Variants in MTMR14 observed in about 807,000 individuals in gnomAD.
MTMR14 encodes the protein phosphatidylinositol-3,5-bisphosphate 3-phosphatase MTMR14.
Under a neutral mutation model 86.3 loss-of-function variants are expected in MTMR14, and 48 were observed. The observed-to-expected ratio is 0.56, with a 90% confidence interval of 0.44 to 0.71. The LOEUF (loss-of-function observed/expected upper bound fraction) is 0.71. Among genes scored for constraint, MTMR14 ranks in the 30% least tolerant of loss-of-function variants. The pLI is 0.00. For synonymous variants in MTMR14, 366 were observed against 326.1 expected, an observed-to-expected ratio of 1.12 and a Z score of -1.32; for missense variants, 780 against 834.6, an observed-to-expected ratio of 0.93 and a Z score of 0.81.
chr3:9,659,504 C>T (rs555055878), intron 2 of MTMR14: 9 of 320,694 alleles, frequency 2.8e-5, no homozygotes, highest in South Asian at 1.2e-4. Context: ...AGTGCAGTGG[C>T]GTGATCTCTG....
Position 9,689,210 on chromosome 3 carries a change from G to A in MTMR14, c.1433+128G>A, listed in dbSNP as rs2076062096. The A allele has an allele frequency of 4.3e-6, 6 of 1,392,012 alleles. No homozygotes were observed. In the South Asian group the frequency reaches 4.9e-5, roughly 11 times the overall value. 86.2% of individuals were successfully genotyped at this position (1,392,012 alleles called of 1,614,324 possible). The stretch of plus-strand genomic sequence containing the variant: ...AGAAGAGCTGAGAGGATAGCTCCGT[G>A]CTCCTGCTGTCTCTACTGGGCCTCA... On this transcript the variant is annotated intron_variant, in intron 16 of 18. Transcript: ENST00000296003.
intron 9 of MTMR14, 44 bp downstream of exon 9, chr3:9,678,102 G>A: frequency 1.2e-6 from 2 of 1,602,926 alleles, no homozygotes; most frequent in Non-Finnish European, 1.7e-6. Flanking sequence ...TAAGGGAGTG[G>A]TGACCAAGGA....
At position 9,701,819 on chromosome 3, in the gene MTMR14, G is replaced by A. The variant is rs370811714; in HGVS notation, c.1799G>A (p.Arg600Gln). 177 of 1,613,718 alleles carry A rather than the reference G, an allele frequency of 1.1e-4. 2 individuals are homozygous for A. In the Middle Eastern group the frequency reaches 3.1e-3, roughly 29 times the overall value. The change falls in exon 19 of 19, where the codon CGG (arginine) becomes CAG (glutamine). Residue 600 changes from arginine to glutamine, a missense_variant. Arg to Gln is a conservative substitution (Grantham distance 43). Coordinates refer to ENST00000296003, the MANE Select transcript of MTMR14 (RefSeq NM_001077525.3). The surrounding 1 kb of genome is among the most constrained non-coding windows in gnomAD (Gnocchi z 4.2). ...GCAGCCCTGAGTGATCGAGAGACTC[G>A]GCTGCAGGAGGTGCGCTCAGCCTTC... is the stretch of plus-strand genomic sequence containing the variant. Reference protein sequence around the residue: ...LLAALSDRETRLQEVRSAFLA... With the variant: ...LLAALSDRETQLQEVRSAFLA...
chr3:9,685,028 G>C, intron 12 of MTMR14, 64 bp downstream of exon 12: 1 of 1,551,694 alleles, frequency 6.4e-7, no homozygotes, highest in African/African-American at 1.4e-5. Context: ...GAGTTGTGTG[G>C]TGGCTCCCTT....
intron 11 of MTMR14, 62 bp downstream of exon 11, chr3:9,684,732 C>G: frequency 6.3e-7 from 1 of 1,594,330 alleles, no homozygotes; most frequent in Non-Finnish European, 8.6e-7. Context: ...TGTCTCCAGA[C>G]AGAGGGTGGA....
intron 9 of MTMR14, among the ~76,000 whole-genome samples, chr3:9,681,070 T>A (rs2075753077): frequency 6.6e-6 from 1 of 152,230 alleles, no homozygotes; most frequent in South Asian, 2.1e-4. Flanking sequence ...TGGTTAACTT[T>A]GTCTTCCCTC....
At chr3:9,656,347 T>C (rs922813357) in intron 2 of MTMR14, among the ~76,000 whole-genome samples, 1 of 152,180 alleles carries the variant, frequency 6.6e-6, no homozygotes, top group South Asian at 2.1e-4. Context: ...GCCTAAAGAA[T>C]TGGGGTTTGT....
Position 9,668,749 on chromosome 3 carries a change from T to C in MTMR14, c.448T>C (p.Trp150Arg). The C allele has an allele frequency of 3.1e-6, 5 of 1,614,180 alleles. No homozygotes were observed. Among genetic ancestry groups the C allele is most frequent in the Non-Finnish European group, 1.7e-6 (2 of 1,180,026 alleles). Residue 150 changes from tryptophan to arginine, a missense_variant, in exon 4 of 19, where the codon TGG becomes CGG. Trp to Arg is a moderately radical substitution (Grantham distance 101, BLOSUM62 -3). Coordinates refer to ENST00000296003, the MANE Select transcript of MTMR14 (RefSeq NM_001077525.3). ...HICRSATLAGWGELYGRSGYN... is the reference protein window; with the variant it reads ...HICRSATLAGRGELYGRSGYN... Reference sequence around the variant, plus strand: ...TTGCAGGTCGGCCACACTGGCTGGATGGGGAGAGCTGTATGGACGCTCAGG... The same window carrying C: ...TTGCAGGTCGGCCACACTGGCTGGACGGGGAGAGCTGTATGGACGCTCAGG...
chr3:9,675,454 T>C lies in MTMR14; in HGVS notation c.752-1863T>C, dbSNP rs763748225. On this transcript the variant is annotated intron_variant, in intron 7 of 18. Coordinates refer to ENST00000296003, the MANE Select transcript of MTMR14 (RefSeq NM_001077525.3). ...AGCCCTGTGATGACTTTGAGGCTCA[T>C]ACAGGTACTCAGTAGTCTCAGTTCT... The C allele has an allele frequency of 2.8e-5, 11 of 397,572 alleles. 1 individual carries two copies. The highest frequency in any genetic ancestry group is 2.2e-4 in the Admixed American group (8 of 37,192). 24.6% of individuals were successfully genotyped at this position (397,572 alleles called of 1,614,324 possible). A position where few individuals can be genotyped will look rare whatever the true frequency, so the allele number is the denominator to read the frequency against.
At chr3:9,685,144 G>C (rs1007674050) in intron 12 of MTMR14, 67 bp from the exon 13 acceptor site, 114 of 1,604,642 alleles carry the variant, frequency 7.1e-5, no homozygotes, top group Non-Finnish European at 9.0e-5. Flanking sequence ...TGTGTCTGGT[G>C]ACCCTGTCCT....
At chr3:9,650,433 T>A (rs1483401850) in intron 1 of MTMR14, 3 of 453,854 alleles carry the variant, frequency 6.6e-6, no homozygotes, top group Non-Finnish European at 1.3e-5. Context: ...GCCATCTCAT[T>A]CCCCCACGTG....
At chr3:9,687,138 G>A (rs144650418) in intron 13 of MTMR14, among the ~76,000 whole-genome samples, 36 of 152,270 alleles carry the variant, frequency 2.4e-4, no homozygotes, top group Middle Eastern at 3.4e-3. Context: ...CATCTCTCCC[G>A]CAGCTATCCT....
chr3:9,672,663 A>G (rs767130833), intron 6 of MTMR14, 22 bp from the exon 7 acceptor site: 3 of 1,608,054 alleles, frequency 1.9e-6, no homozygotes, highest in Non-Finnish European at 2.6e-6. Flanking sequence ...ACACTGTAAC[A>G]CATTGTATCC....
At chr3:9,674,395 T>C (rs1312632410) in intron 7 of MTMR14, among the ~76,000 whole-genome samples, 1 of 152,222 alleles carries the variant, frequency 6.6e-6, no homozygotes, top group Non-Finnish European at 1.5e-5. Flanking sequence ...TCATGATGTC[T>C]ATTTGTAATA....
At chr3:9,672,802 C>T (rs750554957) in intron 7 of MTMR14, 44 bp downstream of exon 7, 8 of 1,575,662 alleles carry the variant, frequency 5.1e-6, no homozygotes, top group Non-Finnish European at 7.0e-6. Flanking sequence ...GGACTGGGGA[C>T]CTTGGGGGCC....
intron 9 of MTMR14, among the ~76,000 whole-genome samples, chr3:9,680,648 A>G (rs902536834): frequency 6.6e-6 from 1 of 152,172 alleles, no homozygotes; most frequent in Admixed American, 6.5e-5. Context: ...GATCGAGACC[A>G]TCGTGGCTAA....
intron 7 of MTMR14, among the ~76,000 whole-genome samples, chr3:9,676,702 G>C (rs993005932): frequency 1.3e-5 from 2 of 152,220 alleles, no homozygotes; most frequent in Non-Finnish European, 1.5e-5. Context: ...GTTTCTCTCT[G>C]TTCCTGAGGG....
rs1257558129 is a variant in MTMR14 at position 9,653,610 on chromosome 3, T to C, written c.160-11T>C. 6 of 1,614,058 alleles carry C rather than the reference T, an allele frequency of 3.7e-6. No individual in the cohort carries two copies. The highest frequency in any genetic ancestry group is 2.2e-5 in the East Asian group (1 of 44,878). ...AATTCTCTTTGTGTTCTGGTCTCCT[T>C]CTCTGTGCAGGTTGAGCGCATTGAG... On this transcript the variant is annotated splice_polypyrimidine_tract_variant and intron_variant, in intron 1 of 18. Coordinates refer to ENST00000296003, the MANE Select transcript of MTMR14 (RefSeq NM_001077525.3).
chr3:9,670,283 G>C (rs1286820949), intron 5 of MTMR14, among the ~76,000 whole-genome samples: 1 of 152,184 alleles, frequency 6.6e-6, no homozygotes, highest in Non-Finnish European at 1.5e-5. Context: ...AGCGGCTCTG[G>C]CTTGTGCTCA....
Sources: gnomAD v4.1 joint callset for allele counts (sites outside exome capture counted in the v4.1 genomes callset) on GRCh38, gnomAD v4.1.1 for gene constraint, Gnocchi (gnomAD v3.1) non-coding constraint, MANE v1.5 for transcripts, NCBI Gene and HGNC (gene_info 2026-07-23, HGNC 2026-07-21) for gene names.